Variants in VSNL1 observed in about 807,000 individuals in gnomAD.
The protein encoded by VSNL1 is visinin like 1.
In VSNL1, 6 loss-of-function variants were observed where a neutral mutation model predicts 20.4. The observed-to-expected ratio is 0.29, with a 90% CI of 0.16 to 0.58. The LOEUF is 0.58. VSNL1 is among the 20% of genes least tolerant of loss of function. VSNL1 has a pLI of 0.90. For synonymous variants in VSNL1, 93 were observed against 86.4 expected, an observed-to-expected ratio of 1.08 and a Z score of -0.42; for missense variants, 100 against 234.5, an observed-to-expected ratio of 0.43 and a Z score of 3.75.
At chr2:17,638,215 A>G (rs1249471630) in intron 2 of VSNL1, among the ~76,000 whole-genome samples, 1 of 152,340 alleles carries the variant, frequency 6.6e-6, no homozygotes, top group Non-Finnish European at 1.5e-5. Flanking sequence ...GGCAGGTTAC[A>G]TAATATCCAT....
intron 1 of VSNL1, among the ~76,000 whole-genome samples, chr2:17,585,481 G>A (rs1338938145): frequency 6.6e-6 from 1 of 152,010 alleles, no homozygotes; most frequent in East Asian, 1.9e-4. Flanking sequence ...GGTGTCAGTT[G>A]TTTATAGGAT....
intron 2 of VSNL1, among the ~76,000 whole-genome samples, chr2:17,628,499 C>T (rs1039240575): frequency 1.4e-5 from 2 of 138,944 alleles, no homozygotes; most frequent in Non-Finnish European, 3.4e-5. Context: ...TTTTTAAGGC[C>T]TTATTAGGCC....
rs780281733 is a variant in VSNL1, at chr2:17,607,341, A to AT, written c.162+15113dup. Among the ~76,000 whole-genome samples, 6 of 152,136 alleles carry AT rather than the reference A, an allele frequency of 3.9e-5. No individual in the cohort carries two copies. The South Asian group carries it at 8.3e-4, about 21-fold the overall frequency. ...GAGTATTTGTGAGGCGAAATGAAAC[A>AT]TTTTTTTTGTCTCCACCTCCTACTT... On this transcript the variant is annotated intron_variant, in intron 2 of 3. Coordinates refer to ENST00000295156, the MANE Select transcript of VSNL1 (RefSeq NM_003385.5).
At chr2:17,617,571 A>G (rs1243258526) in intron 2 of VSNL1, among the ~76,000 whole-genome samples, 3 of 151,940 alleles carry the variant, frequency 2.0e-5, no homozygotes, top group Admixed American at 6.6e-5. Flanking sequence ...TCCCAAACCT[A>G]TTTCCTGGCT....
At chr2:17,596,938 T>C (rs1664724201) in intron 2 of VSNL1, among the ~76,000 whole-genome samples, 1 of 152,210 alleles carries the variant, frequency 6.6e-6, no homozygotes, top group Non-Finnish European at 1.5e-5. Context: ...TCAAAAGTTG[T>C]GTTTGCTGTC....
At chr2:17,598,223 T>C (rs2103382259) in intron 2 of VSNL1, among the ~76,000 whole-genome samples, 1 of 152,396 alleles carries the variant, frequency 6.6e-6, no homozygotes, top group South Asian at 2.1e-4. Flanking sequence ...CCTAAAGTTG[T>C]ACACAAACAT....
At chr2:17,654,144 TTAA>T (rs1237039739) in intron 3 of VSNL1, among the ~76,000 whole-genome samples, 1 of 152,272 alleles carries the variant, frequency 6.6e-6, no homozygotes, top group Non-Finnish European at 1.5e-5. Context: ...ATTTTGGCTA[TTAA>T]TAATACTGCT....
At chr2:17,579,120 T>G (rs1664288123) in intron 1 of VSNL1, among the ~76,000 whole-genome samples, 1 of 152,062 alleles carries the variant, frequency 6.6e-6, no homozygotes, top group African/African-American at 2.4e-5. Context: ...TTCTTTTTTT[T>G]TATTTTTTTT....
intron 2 of VSNL1, among the ~76,000 whole-genome samples, chr2:17,594,851 C>T (rs1483893475): frequency 6.6e-6 from 1 of 152,198 alleles, no homozygotes; most frequent in African/African-American, 2.4e-5. Flanking sequence ...CTTTAAAAGC[C>T]CTTGCATTCC....
chr2:17,604,655 G>T (rs1664903323), intron 2 of VSNL1, among the ~76,000 whole-genome samples: 1 of 152,248 alleles, frequency 6.6e-6, no homozygotes, highest in Non-Finnish European at 1.5e-5. Context: ...CCTGGGGTCA[G>T]ATCCCCAATA....
chr2:17,556,666 A>G (rs1663685533), intron 1 of VSNL1, among the ~76,000 whole-genome samples: 1 of 152,210 alleles, frequency 6.6e-6, no homozygotes, highest in South Asian at 2.1e-4. Flanking sequence ...TAAGTCCCAC[A>G]GTTCTTTCCA....
intron 1 of VSNL1, among the ~76,000 whole-genome samples, chr2:17,574,000 GT>G (rs1664142610): frequency 1.3e-5 from 2 of 152,208 alleles, no homozygotes; most frequent in Non-Finnish European, 2.9e-5. Flanking sequence ...CCAAACATGC[GT>G]TTTGTACAAG....
intron 1 of VSNL1, among the ~76,000 whole-genome samples, chr2:17,549,154 C>T (rs1423801131): frequency 6.6e-6 from 1 of 152,206 alleles, no homozygotes; most frequent in East Asian, 1.9e-4. Flanking sequence ...ATATCACTTG[C>T]ATATCTTTTG....
chr2:17,568,832 C>G (rs987644915), intron 1 of VSNL1, among the ~76,000 whole-genome samples: 1 of 152,062 alleles, frequency 6.6e-6, no homozygotes, highest in African/African-American at 2.4e-5. Context: ...TAAACTTTAA[C>G]TGGGTATATA....
intron 1 of VSNL1, among the ~76,000 whole-genome samples, chr2:17,587,153 A>T (rs761734622): frequency 1.3e-5 from 2 of 152,046 alleles, no homozygotes; most frequent in Non-Finnish European, 2.9e-5. Flanking sequence ...GTATTTGCAC[A>T]TGTGGTGGGA....
intron 2 of VSNL1, among the ~76,000 whole-genome samples, chr2:17,623,643 C>T (rs1386366791): frequency 2.1e-5 from 3 of 140,214 alleles, no homozygotes; most frequent in African/African-American, 8.2e-5. Flanking sequence ...GCACTGCAGC[C>T]TGGGCGACAG....
chr2:17,601,255 G>T (rs996873374), intron 2 of VSNL1, among the ~76,000 whole-genome samples: 1 of 152,188 alleles, frequency 6.6e-6, no homozygotes, highest in East Asian at 1.9e-4. Context: ...TTGAATGAGG[G>T]TTTAAAGCTA....
intron 2 of VSNL1, among the ~76,000 whole-genome samples, chr2:17,607,993 T>C (rs1664987519): frequency 6.6e-6 from 1 of 152,014 alleles, no homozygotes; most frequent in Non-Finnish European, 1.5e-5. Flanking sequence ...CTACGGGAGG[T>C]ACTTACCAGC....
chr2:17,652,983 C>T (rs1448247376), intron 3 of VSNL1, among the ~76,000 whole-genome samples: 4 of 152,202 alleles, frequency 2.6e-5, no homozygotes, highest in Admixed American at 2.0e-4. Flanking sequence ...TGTTTCCCAC[C>T]TCTTAGGAAT....
Sources: allele counts gnomAD v4.1 joint callset (sites outside exome capture counted in the v4.1 genomes callset), GRCh38; gene constraint gnomAD v4.1.1; transcripts MANE v1.5; gene names NCBI Gene and HGNC (gene_info 2026-07-23, HGNC 2026-07-21).